Variants in XKR9 observed in about 807,000 individuals in gnomAD.
XKR9 encodes the protein XK-related protein 9.
A neutral mutation model predicts 32.0 loss-of-function variants in XKR9; 32 were observed. The observed-to-expected ratio is 1.00, with a 90% CI of 0.76 to 1.34. The LOEUF is 1.34. Among genes scored for constraint, XKR9 ranks in the 40% most tolerant of loss-of-function variants. The probability of loss-of-function intolerance (pLI) is 0.00; values close to 1 mark genes in which losing one functional copy is unlikely to be tolerated. For missense variants in XKR9, 546 were observed against 429.7 expected, an observed-to-expected ratio of 1.27 and a Z score of -2.39; for synonymous variants, 168 against 143.4, an observed-to-expected ratio of 1.17 and a Z score of -1.22.
chr8:70,926,300 A>C, the XKR9 span, among the ~76,000 whole-genome samples: 1 of 152,212 alleles, frequency 6.6e-6, no homozygotes. Flanking sequence ...TGAACTTCTG[A>C]CCTCAAGTGA....
the XKR9 span, among the ~76,000 whole-genome samples, chr8:70,875,123 G>C: frequency 6.6e-6 from 1 of 152,110 alleles, no homozygotes; most frequent in South Asian, 2.1e-4. Context: ...GGTCCTACTT[G>C]TTCTCTGCCT....
chr8:71,027,508 A>ATG, the XKR9 span, among the ~76,000 whole-genome samples: 18 of 150,066 alleles, frequency 1.2e-4, no homozygotes, highest in Non-Finnish European at 2.4e-4. Flanking sequence ...GTATATATAT[A>ATG]TATGCATTCA....
chr8:70,728,474 A>G (rs1047531145), intron 4 of XKR9, among the ~76,000 whole-genome samples: 1 of 152,192 alleles, frequency 6.6e-6, no homozygotes, highest in Non-Finnish European at 1.5e-5. Context: ...TTATAGTTTT[A>G]GTACAGCATT....
chr8:70,685,884 TAATAA>T (rs1214636156), intron 3 of XKR9, among the ~76,000 whole-genome samples: 9 of 150,748 alleles, frequency 6.0e-5, no homozygotes, highest in African/African-American at 1.5e-4. Flanking sequence ...TAAAGTATAA[TAATAA>T]AATAAAAAAA....
intron 2 of XKR9, among the ~76,000 whole-genome samples, chr8:70,776,954 T>TATATATATATATACAC (rs1286110884): frequency 2.2e-5 from 2 of 89,276 alleles, no homozygotes; most frequent in African/African-American, 6.7e-5. Flanking sequence ...TCTCTATATA[T>TATATATATATATACAC]ATATATATAT....
chr8:70,938,281 G>A, the XKR9 span, among the ~76,000 whole-genome samples: 25 of 151,822 alleles, frequency 1.6e-4, no homozygotes, highest in East Asian at 9.7e-4. Context: ...TGTGCTTGTC[G>A]TCTGTGTATT....
At chr8:70,845,911 G>A in the XKR9 span, among the ~76,000 whole-genome samples, 1 of 152,084 alleles carries the variant, frequency 6.6e-6, no homozygotes, top group Non-Finnish European at 1.5e-5. Flanking sequence ...AACCTCCCAA[G>A]TCTAGTAAAA....
At chr8:70,844,463 C>T in the XKR9 span, among the ~76,000 whole-genome samples, 213 of 152,312 alleles carry the variant, frequency 1.4e-3, no homozygotes, top group Middle Eastern at 3.4e-3. Context: ...GGCCACAGCA[C>T]GCTTGTACAT....
At chr8:70,881,496 C>A in the XKR9 span, among the ~76,000 whole-genome samples, 1 of 152,030 alleles carries the variant, frequency 6.6e-6, no homozygotes, top group East Asian at 1.9e-4. Context: ...TCTATGCAGC[C>A]AACAGACATA....
intron 2 of XKR9, among the ~76,000 whole-genome samples, chr8:70,747,929 A>C (rs1807080682): frequency 1.3e-5 from 2 of 152,188 alleles, no homozygotes; most frequent in African/African-American, 4.8e-5. Context: ...TATTGTGAAA[A>C]ATCAGTGAGA....
the XKR9 span, among the ~76,000 whole-genome samples, chr8:71,044,592 T>C: frequency 3.3e-4 from 50 of 152,346 alleles, no homozygotes; most frequent in Admixed American, 2.8e-3. Context: ...TCTTGTAACA[T>C]TGCAAATGCT....
the XKR9 span, among the ~76,000 whole-genome samples, chr8:71,005,449 C>T: frequency 1.3e-5 from 2 of 151,948 alleles, no homozygotes; most frequent in Admixed American, 6.6e-5. Flanking sequence ...GTCTTGAATG[C>T]CTGACCTCAG....
At chr8:70,807,621 T>C in the XKR9 span, among the ~76,000 whole-genome samples, 2 of 151,910 alleles carry the variant, frequency 1.3e-5, no homozygotes, top group Admixed American at 1.3e-4. Flanking sequence ...TCCTAGTCTC[T>C]GACAAAACAG....
chr8:70,785,722 T>TCG (rs1807675963), intron 2 of XKR9, among the ~76,000 whole-genome samples: 1 of 97,602 alleles, frequency 1.0e-5, no homozygotes, highest in Non-Finnish European at 2.4e-5. Flanking sequence ...TTTTTTGCTC[T>TCG]CTCTCTCTCT....
At chr8:70,812,078 A>C in the XKR9 span, among the ~76,000 whole-genome samples, 1 of 152,170 alleles carries the variant, frequency 6.6e-6, no homozygotes, top group African/African-American at 2.4e-5. Flanking sequence ...CAGCACATCA[A>C]AAAGCTTATC....
the XKR9 span, among the ~76,000 whole-genome samples, chr8:70,854,140 G>C: frequency 1.8e-4 from 28 of 152,268 alleles, no homozygotes; most frequent in African/African-American, 3.8e-4. Flanking sequence ...TACAGTCCCA[G>C]CAACAGTGTA....
At chr8:70,978,393 T>C in the XKR9 span, among the ~76,000 whole-genome samples, 1 of 152,352 alleles carries the variant, frequency 6.6e-6, no homozygotes, top group South Asian at 2.1e-4. Context: ...TTTCCGTGTT[T>C]AGTGCTTCCT....
At chr8:70,776,923 T>TTCTTTCTCTCTC (rs1554556844) in intron 2 of XKR9, among the ~76,000 whole-genome samples, 84 of 59,592 alleles carry the variant, frequency 1.4e-3, no homozygotes, top group African/African-American at 4.9e-3. Flanking sequence ...TTCTCTTTCT[T>TTCTTTCTCTCTC]TCTCTCTCTC....
intron 4 of XKR9, among the ~76,000 whole-genome samples, chr8:70,723,515 T>C (rs941342253): frequency 2.0e-4 from 31 of 152,220 alleles, no homozygotes; most frequent in African/African-American, 7.5e-4. Context: ...TTGTTGATGT[T>C]GATGTTGATT....
Sources: allele counts gnomAD v4.1 joint callset (sites outside exome capture counted in the v4.1 genomes callset), GRCh38; gene constraint gnomAD v4.1.1; transcripts MANE v1.5; gene names NCBI Gene and HGNC (gene_info 2026-07-23, HGNC 2026-07-21).